The following PCNT variants were observed in gnomAD, a reference collection of about 807,000 sequenced individuals.
PCNT encodes pericentrin.
Under a neutral mutation model 380.4 loss-of-function variants are expected in PCNT, and 319 were observed. That is an observed-to-expected ratio of 0.84 (90% CI 0.77 to 0.92). The LOEUF (loss-of-function observed/expected upper bound fraction) is 0.92. PCNT is among the 40% of genes least tolerant of loss of function. The pLI is 0.00. For synonymous variants in PCNT, 1,845 were observed against 1,735.2 expected (o/e 1.06, Z -1.57); for missense variants, 4,400 against 4,255.3 (o/e 1.03, Z -0.95).
Position 46,430,063 on chromosome 21 carries a change from C to T in PCNT, c.7744C>T (p.Gln2582Ter). Residue 2582 changes from glutamine (Q) to a stop codon, truncating the protein, a stop_gained, in exon 36 of 47, where the codon CAG (glutamine) becomes TAG (stop). Coordinates refer to ENST00000359568, the MANE Select transcript of PCNT (RefSeq NM_006031.6). LOFTEE classifies it high-confidence loss of function. ...GGAGAAGTGCATTGCTGGTGACTTG[C>T]AGAAGACGCTGAGTGAAGAGCAAGA... ...EQEKCIAGDLQKTLSEEQEKA... is the reference protein window; with the variant it reads ...EQEKCIAGDL The T allele has an allele frequency of 1.2e-6, 2 of 1,614,198 alleles. No homozygotes were observed. The highest frequency in any genetic ancestry group is 1.7e-6 in the Non-Finnish European group (2 of 1,180,030).
At chr21:46,399,018 A>G (rs1459300770) in intron 24 of PCNT, among the ~76,000 whole-genome samples, 1 of 151,858 alleles carries the variant, frequency 6.6e-6, no homozygotes, top group Non-Finnish European at 1.5e-5. Flanking sequence ...ACAGGGTTTC[A>G]CTGTGTTAGC....
intron 13 of PCNT, among the ~76,000 whole-genome samples, chr21:46,358,625 TTTG>T (rs1187209899): frequency 2.4e-5 from 3 of 125,764 alleles, no homozygotes; most frequent in Non-Finnish European, 5.3e-5. Context: ...GTTTTGTTGT[TTTG>T]TTTTTTTTTT....
intron 2 of PCNT, among the ~76,000 whole-genome samples, chr21:46,331,849 G>A (rs2083570821): frequency 6.6e-6 from 1 of 152,132 alleles, no homozygotes; most frequent in African/African-American, 2.4e-5. Flanking sequence ...AAAGTGAGGA[G>A]AGGCCATTTT....
At chr21:46,326,257 G>A (rs1434430261) in intron 1 of PCNT, 120 bp from the exon 2 acceptor site, 2 of 832,752 alleles carry the variant, frequency 2.4e-6, no homozygotes, top group Non-Finnish European at 4.0e-6. Flanking sequence ...GCCAGGTGTG[G>A]CAGAGTAGAC....
rs913638930 is a variant in PCNT at position 46,445,605 on chromosome 21, C to G, written c.*278C>G. The G allele has an allele frequency of 2.3e-5, 11 of 480,968 alleles. No individual in the cohort carries two copies. The highest frequency in any genetic ancestry group is 3.0e-5 in the Non-Finnish European group (8 of 270,184). The allele number at this position is 480,968 out of a possible 1,614,324, so 29.8% of individuals were successfully genotyped here. ...GCCCTGGCTGTGTGCTGTTGTGTGCCTATCGGCAGATCCATCCTTCCTGCC... is the reference window on the plus strand; with the variant it reads ...GCCCTGGCTGTGTGCTGTTGTGTGCGTATCGGCAGATCCATCCTTCCTGCC... On this transcript the variant is annotated 3_prime_UTR_variant, in exon 47 of 47. Coordinates refer to ENST00000359568, the MANE Select transcript of PCNT (RefSeq NM_006031.6).
In PCNT at chr21:46,390,687, A is replaced by G. The variant is rs2086002793; in HGVS notation, c.3858A>G (p.Gln1286=). Residue 1286 remains glutamine, a synonymous_variant, in exon 20 of 47, where the codon CAA becomes CAG. Transcript: ENST00000359568. The part of the protein sequence containing the change: ...DSSRQLEEAR[Q]IHSRFEKEFS... Reference sequence around the variant, plus strand: ...TTTAACAGCTGGAAGAAGCACGCCAAATTCATTCTCGTTTTGAAAAAGAAT... The same window carrying G: ...TTTAACAGCTGGAAGAAGCACGCCAGATTCATTCTCGTTTTGAAAAAGAAT... The G allele has an allele frequency of 1.2e-6, 2 of 1,614,152 alleles. No individual in the cohort carries two copies. Among genetic ancestry groups the G allele is most frequent in the East Asian group, 2.2e-5 (1 of 44,880 alleles).
chr21:46,420,169 G>A (rs2087192385), intron 31 of PCNT, among the ~76,000 whole-genome samples: 1 of 152,024 alleles, frequency 6.6e-6, no homozygotes, highest in South Asian at 2.1e-4. Context: ...ACGCGACCTT[G>A]GAGGCCTGCG....
rs752831769 is a variant in PCNT at position 46,367,004 on chromosome 21, G to A, written c.3030G>A (p.Thr1010=). ...GGAAAAAGGACTCTCTTCACCAAAC[G>A]ATTTTGACTCAAGAGTTGGAGAAAC... ...QLWKKDSLHQ[T]ILTQELEKLK... The change falls in exon 15 of 47, where the codon ACG becomes ACA. Residue 1010 remains threonine, a synonymous_variant. Transcript: ENST00000359568. 1.7e-5 allele frequency: 28 copies of A among 1,614,028 alleles called. No individual in the cohort carries two copies. The highest frequency in any genetic ancestry group is 4.5e-5 in the East Asian group (2 of 44,888).
In PCNT at chr21:46,411,522, C is replaced by G; in HGVS notation, c.5449C>G (p.Leu1817Val). ...CCAGGAGCGCAGGCACAGCCAGGCC[C>G]TGGAGGCCCTGCAGCAGCGCCTCCA... ...ADQERRHSQA[L>V]EALQQRLQGA... Residue 1817 changes from leucine (L) to valine (V), a missense_variant, in exon 28 of 47, where the codon CTG becomes GTG. By Grantham distance (32) the Leu-to-Val change is conservative (BLOSUM62 1). Transcript: ENST00000359568. 6.2e-7 allele frequency: 1 copy of G among 1,610,114 alleles called. No individual in the cohort carries two copies.
intron 30 of PCNT, 94 bp downstream of exon 30, chr21:46,416,933 C>CA: frequency 7.1e-6 from 9 of 1,272,330 alleles, no homozygotes; most frequent in South Asian, 1.3e-5. Flanking sequence ...CACCTCCTGA[C>CA]AGCACACACC....
intron 29 of PCNT, 36 bp from the exon 30 acceptor site, chr21:46,416,033 G>T (rs1393791445): frequency 5.0e-6 from 8 of 1,611,260 alleles, no homozygotes; most frequent in Non-Finnish European, 5.9e-6. Context: ...GGTGAGCCAG[G>T]TATTCCACCG....
chr21:46,381,625 T>C (rs2085544415), intron 15 of PCNT, 69 bp from the exon 16 acceptor site: 1 of 1,460,808 alleles, frequency 6.8e-7, no homozygotes, highest in South Asian at 1.1e-5. Flanking sequence ...ATGTGCTGAA[T>C]TCCGGCTAAC....
intron 44 of PCNT, chr21:46,442,941 C>T: frequency 3.1e-6 from 1 of 326,436 alleles, no homozygotes. Flanking sequence ...TCACTCACAT[C>T]TTTGTCTCGG....
chr21:46,422,727 A>G (rs1036036421), intron 32 of PCNT, among the ~76,000 whole-genome samples: 2 of 152,182 alleles, frequency 1.3e-5, no homozygotes, highest in African/African-American at 4.8e-5. Flanking sequence ...CAGTCTTCAC[A>G]TCAGTGAAAC....
chr21:46,336,980 TG>T (rs941073572), intron 3 of PCNT, among the ~76,000 whole-genome samples: 31 of 98,788 alleles, frequency 3.1e-4, no homozygotes, highest in African/African-American at 7.9e-4. Flanking sequence ...ATTAGAAGGT[TG>T]TTTTTTTTGT....
chr21:46,421,876 C>A, intron 31 of PCNT, 94 bp from the exon 32 acceptor site: 1 of 1,383,276 alleles, frequency 7.2e-7, no homozygotes, highest in East Asian at 2.3e-5. Flanking sequence ...CTGGGGACTG[C>A]GGGCCGATCA....
chr21:46,393,512 G>A (rs973032791), intron 21 of PCNT, among the ~76,000 whole-genome samples: 4 of 152,040 alleles, frequency 2.6e-5, no homozygotes, highest in Non-Finnish European at 5.9e-5. Flanking sequence ...CAGTGTCTTC[G>A]CGCCCAGCCA....
intron 15 of PCNT, among the ~76,000 whole-genome samples, chr21:46,376,862 G>C (rs1219669511): frequency 6.6e-6 from 1 of 152,170 alleles, no homozygotes; most frequent in Non-Finnish European, 1.5e-5. Flanking sequence ...CAAACAGATG[G>C]AACTAAATCA....
At chr21:46,364,397 C>T (rs897583261) in intron 14 of PCNT, among the ~76,000 whole-genome samples, 12 of 152,172 alleles carry the variant, frequency 7.9e-5, no homozygotes, top group Non-Finnish European at 1.3e-4. Flanking sequence ...TGGCAGCTGC[C>T]GCCCCAAAGC....
Sources: allele counts gnomAD v4.1 joint callset (sites outside exome capture counted in the v4.1 genomes callset), GRCh38; gene constraint gnomAD v4.1.1; transcripts MANE v1.5; gene names NCBI Gene and HGNC (gene_info 2026-07-23, HGNC 2026-07-21).